AKT3: variants seen among roughly 807,000 people sequenced by gnomAD.
AKT3 encodes RAC-gamma serine/threonine-protein kinase.
A neutral mutation model predicts 65.3 loss-of-function variants in AKT3; 15 were observed. That is an observed-to-expected ratio of 0.23 (90% CI 0.15 to 0.35). The LOEUF (loss-of-function observed/expected upper bound fraction) is 0.35, where lower values mean the gene tolerates loss of function less well. AKT3 is among the 10% of genes least tolerant of loss of function. The pLI is 1.00. For synonymous variants in AKT3, 206 were observed against 183.8 expected (o/e 1.12, Z -0.98); for missense variants, 243 against 576.5 (o/e 0.42, Z 5.92).
intron 11 of AKT3, among the ~76,000 whole-genome samples, chr1:243,549,482 G>A (rs1672894814): frequency 6.6e-6 from 1 of 152,126 alleles, no homozygotes; most frequent in African/African-American, 2.4e-5. Flanking sequence ...AGGCTGGAGT[G>A]CAATGGTGTC....
chr1:243,753,923 G>A (rs1264691687), intron 2 of AKT3, among the ~76,000 whole-genome samples: 1 of 152,142 alleles, frequency 6.6e-6, no homozygotes, highest in Non-Finnish European at 1.5e-5. Flanking sequence ...TTCTAATAAT[G>A]TGACATAGGT....
At chr1:243,842,985 ACG>A (rs1695339663) in intron 2 of AKT3, 138 bp downstream of exon 2, 1 of 866,210 alleles carries the variant, frequency 1.2e-6, no homozygotes, top group Non-Finnish European at 1.7e-6. Flanking sequence ...TTCCTAACAC[ACG>A]TTAAATATAT....
intron 2 of AKT3, among the ~76,000 whole-genome samples, chr1:243,738,474 T>C (rs1053243562): frequency 2.0e-5 from 3 of 152,226 alleles, no homozygotes; most frequent in Non-Finnish European, 4.4e-5. Context: ...GCTTCAACTT[T>C]AGGGAGGTGT....
At chr1:243,640,724 T>C (rs1341892230) in intron 5 of AKT3, among the ~76,000 whole-genome samples, 2 of 152,076 alleles carry the variant, frequency 1.3e-5, no homozygotes, top group African/African-American at 4.8e-5. Context: ...AGCCCACCCA[T>C]GTATAAGCTG....
chr1:243,513,204 T>C (rs1285536294), intron 12 of AKT3, among the ~76,000 whole-genome samples: 3 of 151,980 alleles, frequency 2.0e-5, no homozygotes, highest in Admixed American at 6.6e-5. Flanking sequence ...CCTCCACTGG[T>C]TGGGAGGGAG....
chr1:243,755,761 A>G (rs992926705), intron 2 of AKT3, among the ~76,000 whole-genome samples: 1 of 152,266 alleles, frequency 6.6e-6, no homozygotes, highest in African/African-American at 2.4e-5. Context: ...CAAAATGAAC[A>G]GTAAAAGAAC....
intron 12 of AKT3, among the ~76,000 whole-genome samples, chr1:243,518,539 C>A (rs1670509708): frequency 1.3e-5 from 2 of 152,080 alleles, no homozygotes; most frequent in Non-Finnish European, 2.9e-5. Context: ...GCAGAAGAAT[C>A]ACTTGAACCT....
intron 6 of AKT3, among the ~76,000 whole-genome samples, chr1:243,635,485 A>G (rs928247395): frequency 3.3e-5 from 5 of 152,012 alleles, no homozygotes; most frequent in Admixed American, 6.6e-5. Flanking sequence ...GTTCTTTGAA[A>G]AGATTAACAA....
chr1:243,670,682 C>G (rs1683096932), intron 3 of AKT3, among the ~76,000 whole-genome samples: 1 of 152,114 alleles, frequency 6.6e-6, no homozygotes, highest in African/African-American at 2.4e-5. Flanking sequence ...TACAAAATGC[C>G]AGGTAGCTAA....
chr1:243,684,702 T>A (rs560189021), intron 3 of AKT3, among the ~76,000 whole-genome samples: 189 of 152,310 alleles, frequency 1.2e-3, no homozygotes, highest in Non-Finnish European at 2.4e-3. Context: ...CAAATGGTAT[T>A]TCTAGTTCTA....
At position 243,683,187 on chromosome 1, in the gene AKT3, T is replaced by TAA. The variant is rs1684044131; in HGVS notation, c.172+12402_172+12403dup. ...CTGAGTTCCTTTAAAATGGGGAGCATAATACTTACCTCACAGTGTTGTTGT... is the reference window on the plus strand; with the variant it reads ...CTGAGTTCCTTTAAAATGGGGAGCATAAAATACTTACCTCACAGTGTTGTTGT... On this transcript the variant is annotated intron_variant, in intron 3 of 13. Coordinates refer to ENST00000673466, the MANE Select transcript of AKT3 (RefSeq NM_005465.7). 4.6e-5 allele frequency among the ~76,000 whole-genome samples: 7 copies of TAA among 152,162 alleles called. No homozygotes were observed. The South Asian group carries it at 1.5e-3, about 32-fold the overall frequency.
At chr1:243,703,760 CAAA>C (rs370671685) in intron 2 of AKT3, among the ~76,000 whole-genome samples, 3 of 78,398 alleles carry the variant, frequency 3.8e-5, no homozygotes, top group Admixed American at 1.5e-4. Context: ...GACTCCATCT[CAAA>C]AAAAAAAAAA....
chr1:243,697,694 T>C (rs1244041449), intron 2 of AKT3, among the ~76,000 whole-genome samples: 1 of 152,108 alleles, frequency 6.6e-6, no homozygotes. Context: ...ACATTTGTTA[T>C]CAATACCAGT....
At chr1:243,747,812 A>G (rs192185778) in intron 2 of AKT3, among the ~76,000 whole-genome samples, 5 of 152,240 alleles carry the variant, frequency 3.3e-5, no homozygotes, top group Admixed American at 2.0e-4. Context: ...CACTTAAGAC[A>G]TAGTATAGGT....
At chr1:243,749,759 A>C (rs1036926564) in intron 2 of AKT3, among the ~76,000 whole-genome samples, 8 of 152,164 alleles carry the variant, frequency 5.3e-5, no homozygotes, top group Admixed American at 2.0e-4. Context: ...CTTTTATCAA[A>C]AAATAACTCA....
At chr1:243,556,953 T>A (rs1673450095) in intron 10 of AKT3, among the ~76,000 whole-genome samples, 1 of 152,158 alleles carries the variant, frequency 6.6e-6, no homozygotes. Flanking sequence ...ATTTCTCAAC[T>A]GCTTTAATAG....
At chr1:243,827,906 G>A (rs964818456) in intron 2 of AKT3, among the ~76,000 whole-genome samples, 1 of 152,046 alleles carries the variant, frequency 6.6e-6, no homozygotes, top group Non-Finnish European at 1.5e-5. Context: ...TGACAGGAAA[G>A]GAATACTGAT....
Position 243,795,469 on chromosome 1 carries a change from T to TG in AKT3, c.46+47655_46+47656insC, listed in dbSNP as rs1691921784. The stretch of plus-strand genomic sequence containing the variant: ...TCCTTGTTTTTTTTTTTTGTTTTTT[T>TG]TTTTTGGTTTTTTTTTTTTTGAGAC... On this transcript the variant is annotated intron_variant, in intron 2 of 13. Transcript: ENST00000673466. Among the ~76,000 whole-genome samples the TG allele has an allele frequency of 4.0e-5, 4 of 100,236 alleles. 1 individual carries two copies. Among genetic ancestry groups the TG allele is most frequent in the African/African-American group, 1.2e-4 (4 of 32,792 alleles). The allele number at this position is 100,236 out of a possible 152,430, so 65.8% of individuals were successfully genotyped here.
intron 2 of AKT3, among the ~76,000 whole-genome samples, chr1:243,696,475 G>T (rs916281021): frequency 6.6e-6 from 1 of 151,846 alleles, no homozygotes; most frequent in African/African-American, 2.4e-5. Flanking sequence ...ACCTACTAAA[G>T]GACAACTTCT....
Sources: allele counts gnomAD v4.1 joint callset (sites outside exome capture counted in the v4.1 genomes callset), GRCh38; gene constraint gnomAD v4.1.1; transcripts MANE v1.5; gene names NCBI Gene and HGNC (gene_info 2026-07-23, HGNC 2026-07-21).